Variants in DPYD observed in about 807,000 individuals in gnomAD.
The protein encoded by DPYD is dihydropyrimidine dehydrogenase, also known as dihydropyrimidine dehydrogenase [NADP(+)].
DPYD carries 109 observed loss-of-function variants against 116.2 expected under a neutral mutation model. The ratio of observed to expected loss-of-function variants is 0.94; its 90% confidence interval spans 0.80 to 1.10. DPYD has a LOEUF of 1.10. DPYD is among the 50% of genes least tolerant of loss of function. The probability of loss-of-function intolerance (pLI) is 0.00; values close to 1 mark genes in which losing one functional copy is unlikely to be tolerated. For synonymous variants in DPYD, 440 were observed against 432.0 expected (o/e 1.02, Z -0.23); for missense variants, 1,302 against 1,254.5 (o/e 1.04, Z -0.57).
chr1:97,529,269 T>C (rs1649377174), intron 12 of DPYD, among the ~76,000 whole-genome samples: 1 of 152,150 alleles, frequency 6.6e-6, no homozygotes, highest in Admixed American at 6.5e-5. Flanking sequence ...CCTTAGCATA[T>C]AAAATTTATC....
At chr1:97,870,880 C>A (rs1049739167) in intron 2 of DPYD, among the ~76,000 whole-genome samples, 1 of 151,794 alleles carries the variant, frequency 6.6e-6, no homozygotes, top group African/African-American at 2.4e-5. Context: ...TAGCATTTTA[C>A]GTGGGTTCCA....
rs1666315633 is a variant in DPYD, at chr1:97,774,851, T to C, written c.234-34372A>G. On this transcript the variant is annotated intron_variant, in intron 3 of 22. Transcript: ENST00000370192. ...TACTGTGGGAAACGGTTTGACGATT[T>C]TGAACATTTTAAAGAACATCTTTGA... The C allele has an allele frequency of 6.1e-5, 12 of 196,582 alleles. No homozygotes were observed. The South Asian group carries it at 1.3e-3, about 22-fold the overall frequency. The allele number at this position is 196,582 out of a possible 1,614,324, so 12.2% of individuals were successfully genotyped here.
At chr1:97,642,795 T>C (rs1031909793) in intron 8 of DPYD, among the ~76,000 whole-genome samples, 11 of 149,708 alleles carry the variant, frequency 7.3e-5, no homozygotes, top group African/African-American at 2.7e-4. Context: ...GACGAGTTAA[T>C]GGCTGCAGCA....
intron 1 of DPYD, among the ~76,000 whole-genome samples, chr1:97,896,965 A>G (rs1179505196): frequency 1.3e-5 from 2 of 151,968 alleles, no homozygotes; most frequent in Admixed American, 6.6e-5. Flanking sequence ...TAAAAATCAT[A>G]TATCTACCTA....
At chr1:97,674,022 TTTTC>T (rs1660013223) in intron 8 of DPYD, among the ~76,000 whole-genome samples, 1 of 151,566 alleles carries the variant, frequency 6.6e-6, no homozygotes, top group East Asian at 1.9e-4. Context: ...TCGTGGGGAC[TTTTC>T]TTTATCTGGA....
chr1:97,195,524 GA>G, intron 19 of DPYD, among the ~76,000 whole-genome samples: 1 of 10,952 alleles, frequency 9.1e-5, no homozygotes, highest in East Asian at 0.17. Flanking sequence ...GATAAGGAGA[GA>G]GAGAGAGAGA....
chr1:97,341,312 T>C (rs1195700140), intron 16 of DPYD, among the ~76,000 whole-genome samples: 2 of 152,154 alleles, frequency 1.3e-5, no homozygotes, highest in Non-Finnish European at 2.9e-5. Context: ...ACAAATACCT[T>C]CAATTACATC....
chr1:97,649,278 T>G (rs1658446374), intron 8 of DPYD, among the ~76,000 whole-genome samples: 1 of 152,084 alleles, frequency 6.6e-6, no homozygotes. Flanking sequence ...CATAAGGAGC[T>G]CTCAAGGTGA....
chr1:97,673,353 G>A (rs1571167633), intron 8 of DPYD, among the ~76,000 whole-genome samples: 1 of 152,050 alleles, frequency 6.6e-6, no homozygotes, highest in East Asian at 1.9e-4. Flanking sequence ...TTGGAATAGT[G>A]TAATACCAAA....
chr1:97,499,109 C>T (rs1404734094), intron 13 of DPYD, among the ~76,000 whole-genome samples: 2 of 151,510 alleles, frequency 1.3e-5, no homozygotes, highest in African/African-American at 2.4e-5. Context: ...ACAGCACTGA[C>T]CTCTATCTGA....
intron 16 of DPYD, among the ~76,000 whole-genome samples, chr1:97,315,297 G>A (rs141570595): frequency 9.2e-5 from 14 of 151,924 alleles, no homozygotes; most frequent in African/African-American, 3.4e-4. Flanking sequence ...TCCTTTCAGG[G>A]AGACCCCAGT....
intron 16 of DPYD, among the ~76,000 whole-genome samples, chr1:97,350,922 A>G (rs1670107007): frequency 6.6e-6 from 1 of 152,160 alleles, no homozygotes; most frequent in Non-Finnish European, 1.5e-5. Context: ...AATGAAATGA[A>G]TGAAACTCTA....
chr1:97,296,737 A>G (rs1451996256), intron 18 of DPYD, among the ~76,000 whole-genome samples: 1 of 152,092 alleles, frequency 6.6e-6, no homozygotes, highest in Non-Finnish European at 1.5e-5. Flanking sequence ...AGGATCCTTA[A>G]GATGTTCAAA....
At chr1:97,587,690 G>A (rs1030817042) in intron 10 of DPYD, among the ~76,000 whole-genome samples, 17 of 151,828 alleles carry the variant, frequency 1.1e-4, no homozygotes, top group African/African-American at 4.1e-4. Flanking sequence ...AGACGGGCAT[G>A]GTGGTGGGCG....
chr1:97,119,310 G>A (rs986783282), intron 20 of DPYD, among the ~76,000 whole-genome samples: 1 of 152,150 alleles, frequency 6.6e-6, no homozygotes, highest in African/African-American at 2.4e-5. Flanking sequence ...GCAATGACAT[G>A]GAAATTAGCA....
intron 8 of DPYD, among the ~76,000 whole-genome samples, chr1:97,599,752 G>A (rs970674145): frequency 2.0e-5 from 3 of 148,286 alleles, no homozygotes; most frequent in Non-Finnish European, 3.0e-5. Flanking sequence ...GGCCAGTCAC[G>A]GTGGCTCCTG....
chr1:97,288,161 T>G (rs568395149), intron 18 of DPYD, among the ~76,000 whole-genome samples: 1 of 151,328 alleles, frequency 6.6e-6, no homozygotes, highest in African/African-American at 2.4e-5. Context: ...ATGCACCCAG[T>G]ACAGGAGCAC....
At chr1:97,799,082 G>A (rs542926298) in intron 3 of DPYD, among the ~76,000 whole-genome samples, 3 of 151,938 alleles carry the variant, frequency 2.0e-5, no homozygotes, top group South Asian at 2.1e-4. Flanking sequence ...GCAAGGAAAC[G>A]AGTCCTGTAT....
intron 12 of DPYD, 137 bp downstream of exon 12, chr1:97,549,423 T>A: frequency 9.9e-7 from 1 of 1,011,120 alleles, no homozygotes; most frequent in Non-Finnish European, 1.5e-6. Flanking sequence ...AAAATTTGTA[T>A]CCAAGTATGT....
Sources: gnomAD v4.1 joint callset for allele counts (sites outside exome capture counted in the v4.1 genomes callset) on GRCh38, gnomAD v4.1.1 for gene constraint, MANE v1.5 for transcripts, NCBI Gene and HGNC (gene_info 2026-07-23, HGNC 2026-07-21) for gene names.